Variants in PISD observed in about 807,000 individuals in gnomAD.
PISD encodes phosphatidylserine decarboxylase.
In PISD, 31 loss-of-function variants were observed where a neutral mutation model predicts 43.5. The observed-to-expected ratio is 0.71, with a 90% CI of 0.54 to 0.96. The LOEUF is 0.96. Among genes scored for constraint, PISD ranks in the 40% least tolerant of loss-of-function variants. PISD has a pLI of 0.00. For missense variants in PISD, 523 were observed against 548.4 expected, an observed-to-expected ratio of 0.95 and a Z score of 0.46; for synonymous variants, 259 against 228.7, an observed-to-expected ratio of 1.13 and a Z score of -1.20.
intron 3 of PISD, among the ~76,000 whole-genome samples, chr22:31,640,808 T>G (rs2073681574): frequency 6.8e-6 from 1 of 147,028 alleles, no homozygotes; most frequent in Non-Finnish European, 1.5e-5. Context: ...CTTGAACTCC[T>G]GACCTCAGGT....
intron 3 of PISD, among the ~76,000 whole-genome samples, chr22:31,638,930 C>T (rs963478013): frequency 4.0e-5 from 6 of 151,088 alleles, no homozygotes; most frequent in African/African-American, 9.8e-5. Flanking sequence ...AGGTCGAGGC[C>T]GTGGTGAGCC....
At position 31,650,733 on chromosome 22, in the gene PISD, G is replaced by A. The variant is rs540456265; in HGVS notation, c.111C>T (p.Pro37=). Residue 37 remains proline (P), a synonymous_variant, in exon 2 of 8, where the codon CCC becomes CCT. Coordinates refer to ENST00000439502, the MANE Select transcript of PISD (RefSeq NM_001326411.2). ...AGGCTCTAAAAGGCAGCTTCCGTAA[G>A]GGCTGTAGGGATTGGCTCAGGGCAG... ...EITALSQSLQ[P]LRKLPFRAFR... 101 of 1,556,220 alleles carry A rather than the reference G, an allele frequency of 6.5e-5. No individual in the cohort carries two copies. Among genetic ancestry groups the A allele is most frequent in the Admixed American group, 7.7e-5 (4 of 51,768 alleles).
rs144176887 is a variant in PISD, at chr22:31,621,793, G to A, written c.414C>T (p.Pro138=). 12 of 1,613,748 alleles carry A rather than the reference G, an allele frequency of 7.4e-6. No individual in the cohort carries two copies. Among genetic ancestry groups the A allele is most frequent in the South Asian group, 2.2e-5 (2 of 91,092 alleles). Residue 138 remains proline, a synonymous_variant, in exon 4 of 8, where the codon CCC becomes CCT. Coordinates refer to ENST00000439502, the MANE Select transcript of PISD (RefSeq NM_001326411.2). ...QVELPHWLRR[P]VYSLYIWTFG... ...ACGTCCAGATGTACAGGCTGTAGAC[G>A]GGCCTGCGCAGCCAGTGTGGCAGCT...
chr22:31,637,148 AAAAAAAAAAAAAAAAAATATATATATAT>A (rs1272591215), intron 3 of PISD, among the ~76,000 whole-genome samples: 2 of 16,180 alleles, frequency 1.2e-4, no homozygotes, highest in African/African-American at 4.7e-4. Context: ...TAAATTAAAA[AAAAAAAAAAAAAAAAAATATATATATAT>A]ATATATATAT....
chr22:31,651,904 A>G (rs1443287451), intron 1 of PISD, among the ~76,000 whole-genome samples: 2 of 152,234 alleles, frequency 1.3e-5, no homozygotes, highest in African/African-American at 4.8e-5. Flanking sequence ...TTAATCAAAG[A>G]GGAAATATCT....
intron 3 of PISD, chr22:31,627,922 C>G (rs1052664472): frequency 9.3e-6 from 6 of 644,628 alleles, no homozygotes; most frequent in Non-Finnish European, 1.2e-5. Context: ...AGGCCAGGGG[C>G]CAGGTCAGAT....
At position 31,618,493 on chromosome 22, in the gene PISD, T is replaced by A; in HGVS notation, c.*1119A>T. The A allele has an allele frequency of 7.5e-7, 1 of 1,337,652 alleles. No individual in the cohort carries two copies. 82.9% of individuals were successfully genotyped at this position (1,337,652 alleles called of 1,614,324 possible). On this transcript the variant is annotated 3_prime_UTR_variant, in exon 8 of 8. Coordinates refer to ENST00000439502, the MANE Select transcript of PISD (RefSeq NM_001326411.2). ...CCACCTCCAGGAACAGAACACAGTT[T>A]TAAGTTTGATTTTTTTTATTTCAAA...
chr22:31,620,887 C>T, intron 6 of PISD, 109 bp downstream of exon 6: 5 of 1,413,682 alleles, frequency 3.5e-6, no homozygotes, highest in Non-Finnish European at 4.7e-6. Flanking sequence ...CAGTCAACTC[C>T]TGGCCTCAAT....
intron 4 of PISD, 78 bp downstream of exon 4, chr22:31,621,571 C>T (rs527520820): frequency 6.6e-5 from 105 of 1,592,286 alleles, no homozygotes; most frequent in Middle Eastern, 5.0e-4. Context: ...CTTCCAGATA[C>T]GCTGGAGACC....
Position 31,630,798 on chromosome 22 carries a change from A to T in PISD, c.322-8913T>A. The stretch of plus-strand genomic sequence containing the variant: ...CAGGGCCGGGGCGCCGGCTCCGCTC[A>T]CTCACCCGCAGGTGGCTCCAGCTTC... On this transcript the variant is annotated intron_variant, in intron 3 of 7. Transcript: ENST00000439502. This position sits in a 1 kb window ranked among gnomAD's most constrained non-coding sequence, Gnocchi z 4.4. The T allele has an allele frequency of 1.0e-6, 1 of 985,372 alleles. No individual in the cohort carries two copies. Among genetic ancestry groups the T allele is most frequent in the Non-Finnish European group, 1.2e-6 (1 of 829,982 alleles). 61.0% of individuals were successfully genotyped at this position (985,372 alleles called of 1,614,324 possible).
intron 3 of PISD, among the ~76,000 whole-genome samples, chr22:31,640,591 T>G (rs1271647311): frequency 2.1e-5 from 3 of 142,164 alleles, no homozygotes; most frequent in Non-Finnish European, 4.6e-5. Context: ...TTTTTTTTTT[T>G]TTTTTTTGAG....
At chr22:31,637,991 G>A (rs2073564055) in intron 3 of PISD, among the ~76,000 whole-genome samples, 1 of 152,230 alleles carries the variant, frequency 6.6e-6, no homozygotes, top group Admixed American at 6.5e-5. Context: ...CCCAGAGGCC[G>A]CCCTGCCTTT....
rs1438108643 is a variant in PISD, at chr22:31,621,325, G to A, written c.697+9C>T. The A allele has an allele frequency of 6.2e-7, 1 of 1,613,994 alleles. No homozygotes were observed. The highest frequency in any genetic ancestry group is 1.1e-5 in the South Asian group (1 of 91,082). On this transcript the variant is annotated intron_variant, in intron 5 of 7. Coordinates refer to ENST00000439502, the MANE Select transcript of PISD (RefSeq NM_001326411.2). ...AGGGCTGCCTAGCCCCGCCTGTGCAGTGACCCACCTGGTGGGAAGGGCAGG... is the reference window on the plus strand; with the variant it reads ...AGGGCTGCCTAGCCCCGCCTGTGCAATGACCCACCTGGTGGGAAGGGCAGG...
rs61747365 is a variant in PISD, at chr22:31,619,779, C to T, written c.1063G>A (p.Val355Met). 5.6e-5 allele frequency: 90 copies of T among 1,614,196 alleles called. No individual in the cohort carries two copies. In the East Asian group the frequency reaches 8.9e-4, roughly 16 times the overall value. Residue 355 changes from valine (V) to methionine (M), a missense_variant, in exon 8 of 8, where the codon GTG becomes ATG. By Grantham distance (21) the Val-to-Met change is conservative. Transcript: ENST00000439502. ...SKGSYNDFSFVTHTNREGVPM... is the reference protein window; with the variant it reads ...SKGSYNDFSFMTHTNREGVPM... ...ACGCCCTCTCTATTGGTGTGCGTCA[C>T]GAAGCTGAAGTCATTGTAGGAGCCC...
At chr22:31,652,889 A>T (rs1467568124) in intron 1 of PISD, among the ~76,000 whole-genome samples, 5 of 151,920 alleles carry the variant, frequency 3.3e-5, no homozygotes, top group Admixed American at 2.0e-4. Flanking sequence ...AAATACAAAA[A>T]TTAGCCGGGC....
chr22:31,626,083 G>C (rs973822225), intron 3 of PISD: 3 of 1,386,096 alleles, frequency 2.2e-6, no homozygotes, highest in African/African-American at 2.9e-5. Context: ...TTGCAGTCCA[G>C]TGCAAAAGCC....
chr22:31,656,262 T>C (rs1243969024), intron 1 of PISD, among the ~76,000 whole-genome samples: 1 of 152,002 alleles, frequency 6.6e-6, no homozygotes, highest in Non-Finnish European at 1.5e-5. Flanking sequence ...GAGAATTGCT[T>C]GAACCCAGGA....
chr22:31,662,214 C>G lies in PISD; in HGVS notation c.-6G>C. The stretch of plus-strand genomic sequence containing the variant: ...TGCCCCACGGACGTCGCCATCTTGT[C>G]TGCTCCTTCTCAGCGTGCCACGCCC... On this transcript the variant is annotated 5_prime_UTR_variant, in exon 1 of 8. Coordinates refer to ENST00000439502, the MANE Select transcript of PISD (RefSeq NM_001326411.2). 3 of 1,602,922 alleles carry G rather than the reference C, an allele frequency of 1.9e-6. No homozygotes were observed. Among genetic ancestry groups the G allele is most frequent in the Non-Finnish European group, 2.5e-6 (3 of 1,179,716 alleles).
intron 1 of PISD, among the ~76,000 whole-genome samples, chr22:31,660,048 T>A (rs1480636305): frequency 6.6e-6 from 1 of 152,170 alleles, no homozygotes; most frequent in Non-Finnish European, 1.5e-5. Context: ...CTATCACCTG[T>A]CACACATCAC....
Sources: gnomAD v4.1 joint callset for allele counts (sites outside exome capture counted in the v4.1 genomes callset) on GRCh38, gnomAD v4.1.1 for gene constraint, Gnocchi (gnomAD v3.1) non-coding constraint, MANE v1.5 for transcripts, NCBI Gene and HGNC (gene_info 2026-07-23, HGNC 2026-07-21) for gene names.